GLRA2: variants seen among roughly 807,000 people sequenced by gnomAD.
The protein encoded by GLRA2 is glycine receptor alpha 2.
Under a neutral mutation model 31.6 loss-of-function variants are expected in GLRA2, and 11 were observed. That is an observed-to-expected ratio of 0.35 (90% confidence interval 0.22 to 0.58). The LOEUF is 0.58. Ranked by LOEUF, GLRA2 falls within the 20% of genes least tolerant of loss-of-function variation. The pLI is 0.84. For missense variants in GLRA2, 212 were observed against 351.8 expected, an observed-to-expected ratio of 0.60 and a Z score of 3.18; for synonymous variants, 132 against 134.0, an observed-to-expected ratio of 0.99 and a Z score of 0.10.
chrX:14,569,152 G>A (rs1315010487), intron 2 of GLRA2, among the ~76,000 whole-genome samples: 1 of 110,870 alleles, frequency 9.0e-6, no homozygotes, highest in Non-Finnish European at 1.9e-5. Context: ...CTACTCAGGA[G>A]GCTGAGGTAG....
At chrX:14,542,284 T>G (rs960551890) in intron 2 of GLRA2, among the ~76,000 whole-genome samples, 2 of 112,172 alleles carry the variant, frequency 1.8e-5, no homozygotes, top group Admixed American at 1.9e-4. Flanking sequence ...AAGGTGGTTC[T>G]GATGCATGTG....
chrX:14,517,157 T>C, the GLRA2 span, among the ~76,000 whole-genome samples: 10 of 112,326 alleles, frequency 8.9e-5, no homozygotes, highest in Non-Finnish European at 1.9e-4. Context: ...TTATAAGGCA[T>C]TTTAATTTTC....
chrX:14,563,535 G>T (rs1468563702), intron 2 of GLRA2, among the ~76,000 whole-genome samples: 2 of 111,979 alleles, frequency 1.8e-5, no homozygotes. Context: ...TAAATATACA[G>T]TTTTCAACAA....
chrX:14,542,517 T>C (rs1446151318), intron 2 of GLRA2, among the ~76,000 whole-genome samples: 1 of 110,942 alleles, frequency 9.0e-6, no homozygotes, highest in African/African-American at 3.3e-5. Flanking sequence ...CGGTCAAAGC[T>C]GTAGTTATGG....
chrX:14,457,093 C>T, the GLRA2 span, among the ~76,000 whole-genome samples: 8 of 111,359 alleles, frequency 7.2e-5, no homozygotes, highest in South Asian at 3.8e-4. Flanking sequence ...TTTTGTTTTG[C>T]GTTTTTCTGA....
chrX:14,545,950 TATGCCCAGGGTC>T (rs2089473889), intron 2 of GLRA2, among the ~76,000 whole-genome samples: 2 of 111,642 alleles, frequency 1.8e-5, no homozygotes, highest in Non-Finnish European at 3.8e-5. Context: ...AAATGTTACA[TATGCCCAGGGTC>T]ATGCCTTGTG....
At chrX:14,482,493 T>C in the GLRA2 span, among the ~76,000 whole-genome samples, 1 of 111,203 alleles carries the variant, frequency 9.0e-6, no homozygotes, top group South Asian at 3.8e-4. Context: ...AAGTCAACCC[T>C]GGTTATAGGG....
intron 8 of GLRA2, among the ~76,000 whole-genome samples, chrX:14,724,625 T>TTAAA (rs2091906687): frequency 9.3e-5 from 1 of 10,810 alleles, no homozygotes; most frequent in Non-Finnish European, 1.5e-4. Context: ...AAACTCTGTC[T>TTAAA]CAAAAAAAAA....
the GLRA2 span, among the ~76,000 whole-genome samples, chrX:14,499,770 G>A: frequency 1.8e-5 from 2 of 110,823 alleles, no homozygotes; most frequent in East Asian, 2.8e-4. Flanking sequence ...TCTGTGTGAC[G>A]GGATCAATAG....
At position 14,729,512 on chromosome X, in the gene GLRA2, T is replaced by G. The variant is rs187899580; in HGVS notation, c.1081-695T>G. 1.6e-3 allele frequency among the ~76,000 whole-genome samples: 176 copies of G among 111,829 alleles called. 1 individual carries two copies. The highest frequency in any genetic ancestry group is 5.5e-3 in the African/African-American group (170 of 30,815). ...GTAGAAATAATCATACAAATATCACTGACATCAGCTAAAATGACACATTTA... is the reference window on the plus strand; with the variant it reads ...GTAGAAATAATCATACAAATATCACGGACATCAGCTAAAATGACACATTTA... On this transcript the variant is annotated intron_variant, in intron 8 of 8. Coordinates refer to ENST00000218075, the MANE Select transcript of GLRA2 (RefSeq NM_002063.4).
In GLRA2 at chrX:14,604,351, G is replaced by C; in HGVS notation, c.531G>C (p.Lys177Asn). The C allele has an allele frequency of 8.4e-7, 1 of 1,183,833 alleles. No individual in the cohort carries two copies. Among genetic ancestry groups the C allele is most frequent in the Non-Finnish European group, 1.1e-6 (1 of 872,401 alleles). Reference sequence around the variant, plus strand: ...CCTTATCCTGTCCCATGGACTTGAAGAACTTTCCGATGGATGTCCAGACCT... The same window carrying C: ...CCTTATCCTGTCCCATGGACTTGAACAACTTTCCGATGGATGTCCAGACCT... ...TLTLSCPMDL[K>N]NFPMDVQTCT... is the part of the protein sequence containing the mutation. The change falls in exon 5 of 9, where the codon AAG (lysine) becomes AAC (asparagine). Residue 177 changes from lysine (K) to asparagine (N), a missense_variant. Transcript: ENST00000218075.
chrX:14,621,298 C>T lies in GLRA2; in HGVS notation c.930+12093C>T, dbSNP rs903916314. Among the ~76,000 whole-genome samples the T allele has an allele frequency of 3.6e-5, 4 of 111,158 alleles. No homozygotes were observed. In the South Asian group the frequency reaches 1.5e-3, roughly 42 times the overall value. On this transcript the variant is annotated intron_variant, in intron 7 of 8. Transcript: ENST00000218075. ...AGACCCTACCACAAATTAAACCAAACTATCTGGGCATAGGGTCCAGACATC... is the reference window on the plus strand; with the variant it reads ...AGACCCTACCACAAATTAAACCAAATTATCTGGGCATAGGGTCCAGACATC...
intron 2 of GLRA2, among the ~76,000 whole-genome samples, chrX:14,535,276 A>AT (rs999523236): frequency 9.8e-5 from 11 of 112,413 alleles, no homozygotes; most frequent in African/African-American, 3.5e-4. Flanking sequence ...AAAGAAGTGC[A>AT]TAAGTATAAT....
chrX:14,682,783 G>A (rs1285889595), intron 7 of GLRA2, among the ~76,000 whole-genome samples: 8 of 102,897 alleles, frequency 7.8e-5, no homozygotes, highest in Non-Finnish European at 1.4e-4. Context: ...TCTCACCTAT[G>A]AGTGAGAATA....
chrX:14,449,198 C>G, the GLRA2 span, among the ~76,000 whole-genome samples: 1 of 111,786 alleles, frequency 8.9e-6, no homozygotes, highest in Admixed American at 9.5e-5. Context: ...GATGCAGACA[C>G]CAAAATTGAA....
chrX:14,451,121 C>T, the GLRA2 span, among the ~76,000 whole-genome samples: 1 of 111,395 alleles, frequency 9.0e-6, no homozygotes, highest in African/African-American at 3.3e-5. Flanking sequence ...AATTTGTTAC[C>T]AGCCTTACAA....
chrX:14,640,203 G>A (rs889007774), intron 7 of GLRA2, among the ~76,000 whole-genome samples: 3 of 110,652 alleles, frequency 2.7e-5, no homozygotes, highest in African/African-American at 9.9e-5. Context: ...CAAGAGATAG[G>A]CAATATACAA....
At chrX:14,579,465 G>A (rs778497319) in intron 3 of GLRA2, among the ~76,000 whole-genome samples, 1 of 110,810 alleles carries the variant, frequency 9.0e-6, no homozygotes, top group Admixed American at 9.6e-5. Flanking sequence ...GAGTAGCTGG[G>A]TCTACAGGCA....
chrX:14,507,686 A>ATTTTTTTTTTTTTTTT, the GLRA2 span, among the ~76,000 whole-genome samples: 6 of 56,042 alleles, frequency 1.1e-4, no homozygotes, highest in African/African-American at 1.9e-4. Context: ...TACGAAAGAC[A>ATTTTTTTTTTTTTTTT]TTCTTTTTTT....
Sources: gnomAD v4.1 joint callset for allele counts (sites outside exome capture counted in the v4.1 genomes callset) on GRCh38, gnomAD v4.1.1 for gene constraint, MANE v1.5 for transcripts, NCBI Gene and HGNC (gene_info 2026-07-23, HGNC 2026-07-21) for gene names.